The following TARS3 variants were observed in gnomAD, a reference collection of about 807,000 sequenced individuals.
TARS3 encodes threonyl-tRNA synthetase 3.
Under a neutral mutation model 103.5 loss-of-function variants are expected in TARS3, and 94 were observed. The observed-to-expected ratio is 0.91, with a 90% CI of 0.77 to 1.08. The LOEUF is 1.08. TARS3 is among the 50% of genes least tolerant of loss of function. The probability of loss-of-function intolerance (pLI) is 0.00; values close to 1 mark genes in which losing one functional copy is unlikely to be tolerated. For missense variants in TARS3, 952 were observed against 995.2 expected (o/e 0.96, Z 0.58); for synonymous variants, 416 against 355.4 (o/e 1.17, Z -1.92).
chr15:101,683,490 G>A (rs193261710), intron 12 of TARS3, among the ~76,000 whole-genome samples: 4 of 152,092 alleles, frequency 2.6e-5, no homozygotes, highest in Non-Finnish European at 5.9e-5. Context: ...TATTCTACGT[G>A]CAATTTCAAA....
Position 101,664,719 on chromosome 15 carries a change from C to T in TARS3, c.1968-2903G>A, listed in dbSNP as rs147242395. Among the ~76,000 whole-genome samples the T allele has an allele frequency of 8.1e-3, 1,231 of 152,226 alleles. 12 individuals are homozygous for T. Among genetic ancestry groups the T allele is most frequent in the Non-Finnish European group, 0.01 (708 of 68,010 alleles). ...TATTCAAGACATTCAGGATATAATC[C>T]TAAATTACTTAGCATATGAATCATT... On this transcript the variant is annotated intron_variant, in intron 15 of 18. Transcript: ENST00000335968.
At chr15:101,671,138 T>C (rs1246459397) in intron 15 of TARS3, among the ~76,000 whole-genome samples, 1 of 152,154 alleles carries the variant, frequency 6.6e-6, no homozygotes, top group Non-Finnish European at 1.5e-5. Flanking sequence ...AAATTGCCTT[T>C]TTTCCCCTGC....
intron 12 of TARS3, among the ~76,000 whole-genome samples, chr15:101,677,375 C>T (rs1447880893): frequency 6.6e-6 from 1 of 152,216 alleles, no homozygotes. Flanking sequence ...TGTTCTCAGA[C>T]ACTGGAGCTC....
At chr15:101,668,777 T>C (rs1259111200) in intron 15 of TARS3, among the ~76,000 whole-genome samples, 3 of 152,226 alleles carry the variant, frequency 2.0e-5, no homozygotes, top group Non-Finnish European at 4.4e-5. Context: ...AGTAAGATTA[T>C]AATGGAGCTA....
intron 11 of TARS3, 92 bp downstream of exon 11, chr15:101,685,804 G>A (rs1898447062): frequency 1.9e-6 from 2 of 1,037,138 alleles, no homozygotes; most frequent in Admixed American, 5.3e-5. Flanking sequence ...AGATTAAAGG[G>A]ACTCTTTCAT....
chr15:101,660,763 T>C (rs1039512041), intron 16 of TARS3, among the ~76,000 whole-genome samples: 1 of 152,188 alleles, frequency 6.6e-6, no homozygotes, highest in Non-Finnish European at 1.5e-5. Flanking sequence ...GCAAAGTCCA[T>C]GTCTTTGAGC....
At chr15:101,704,872 G>A (rs1007687908) in intron 7 of TARS3, among the ~76,000 whole-genome samples, 27 of 148,792 alleles carry the variant, frequency 1.8e-4, no homozygotes, top group Non-Finnish European at 7.6e-5. Flanking sequence ...TTTAAGAAAT[G>A]CACCGTGCAT....
chr15:101,684,007 T>C, intron 12 of TARS3, 68 bp downstream of exon 12: 1 of 1,464,324 alleles, frequency 6.8e-7, no homozygotes, highest in Non-Finnish European at 9.2e-7. Context: ...TCTGAAAGAA[T>C]ACAAGATGTG....
In TARS3 at chr15:101,702,385, T is replaced by C; in HGVS notation, c.1075A>G (p.Asn359Asp). Residue 359 changes from asparagine to aspartate, a missense_variant and splice_region_variant, in exon 9 of 19, where the codon AAT becomes GAT. Around this residue, in one of 2 missense-constraint regions of TARS3, gnomAD observed 540 missense variants for 631.0 expected, o/e 0.86. Transcript: ENST00000335968. ...TTGCCCTCCCAATATGTTGAGGAAT[T>C]CTAAATATCAAAGAGGATTTTGGTA... ...GKIKTIKIFK[N>D]SSTYWEGNPE... The C allele has an allele frequency of 1.2e-6, 2 of 1,612,832 alleles. No homozygotes were observed. The highest frequency in any genetic ancestry group is 1.7e-6 in the Non-Finnish European group (2 of 1,178,942).
intron 5 of TARS3, 119 bp downstream of exon 5, chr15:101,711,761 G>T (rs1049164066): frequency 2.0e-5 from 24 of 1,199,602 alleles, no homozygotes; most frequent in Admixed American, 1.1e-4. Flanking sequence ...GGGCGTCGGT[G>T]CCCCTAACCC....
rs998559396 is a variant in TARS3, at chr15:101,723,079, C to T, written c.369+14G>A. 2.5e-6 allele frequency: 4 copies of T among 1,612,022 alleles called. No individual in the cohort carries two copies. The African/African-American group carries it at 4.0e-5, about 16-fold the overall frequency. ...CAGGTAGTATTTTATATTGTTTCCA[C>T]AGCAACAACTTACCTCGCTGTCAGC... On this transcript the variant is annotated intron_variant, in intron 2 of 18. Coordinates refer to ENST00000335968, the MANE Select transcript of TARS3 (RefSeq NM_152334.3).
At chr15:101,694,727 T>C (rs1205621307) in intron 10 of TARS3, among the ~76,000 whole-genome samples, 1 of 152,226 alleles carries the variant, frequency 6.6e-6, no homozygotes, top group Non-Finnish European at 1.5e-5. Context: ...ATGCAAACAC[T>C]AATGTAAGAA....
chr15:101,718,174 G>A (rs1900253964), intron 3 of TARS3, among the ~76,000 whole-genome samples: 1 of 152,140 alleles, frequency 6.6e-6, no homozygotes, highest in South Asian at 2.1e-4. Context: ...TTCGAGACCA[G>A]CCTGACTAAC....
chr15:101,660,779 C>A (rs368717588), intron 16 of TARS3, among the ~76,000 whole-genome samples: 1 of 152,184 alleles, frequency 6.6e-6, no homozygotes, highest in Non-Finnish European at 1.5e-5. Flanking sequence ...TGAGCCCATG[C>A]CTATCCACCA....
At chr15:101,655,475 A>G (rs1214902149) in intron 18 of TARS3, among the ~76,000 whole-genome samples, 28 of 101,254 alleles carry the variant, frequency 2.8e-4, no homozygotes, top group African/African-American at 6.2e-4. Flanking sequence ...CTAGGGCGCA[A>G]ATGAGAGCGG....
chr15:101,702,838 T>C (rs918666275), intron 8 of TARS3, among the ~76,000 whole-genome samples: 2 of 152,172 alleles, frequency 1.3e-5, no homozygotes, highest in African/African-American at 4.8e-5. Flanking sequence ...CTGGGAACAA[T>C]CTTAAAATGG....
intron 15 of TARS3, among the ~76,000 whole-genome samples, chr15:101,671,146 T>G (rs114107785): frequency 2.0e-4 from 30 of 152,316 alleles, no homozygotes; most frequent in African/African-American, 7.0e-4. Context: ...TTTTTTCCCC[T>G]GCTTTTTCAA....
chr15:101,680,116 T>C (rs551841128), intron 12 of TARS3, among the ~76,000 whole-genome samples: 6 of 152,188 alleles, frequency 3.9e-5, no homozygotes, highest in Non-Finnish European at 7.3e-5. Flanking sequence ...GGGATCTTGT[T>C]AATGCAGGAG....
At chr15:101,714,519 C>T (rs919766226) in intron 4 of TARS3, among the ~76,000 whole-genome samples, 9 of 144,322 alleles carry the variant, frequency 6.2e-5, no homozygotes, top group Admixed American at 3.6e-4. Context: ...GTGGGAGGAT[C>T]ACCTGAGCCA....
Sources: gnomAD v4.1 joint callset for allele counts (sites outside exome capture counted in the v4.1 genomes callset) on GRCh38, gnomAD v4.1.1 for gene constraint, gnomAD v4.1.1 regional missense constraint, MANE v1.5 for transcripts, NCBI Gene and HGNC (gene_info 2026-07-23, HGNC 2026-07-21) for gene names.